Variants in RHBDD1 observed in about 807,000 individuals in gnomAD.
RHBDD1 encodes rhomboid-related protein 4.
Under a neutral mutation model 36.3 loss-of-function variants are expected in RHBDD1, and 38 were observed. The ratio of observed to expected loss-of-function variants is 1.05; its 90% CI spans 0.81 to 1.37. The LOEUF (loss-of-function observed/expected upper bound fraction) is 1.37, where lower values mean the gene tolerates loss of function less well. Among genes scored for constraint, RHBDD1 ranks in the 40% most tolerant of loss-of-function variants. The probability of loss-of-function intolerance (pLI) is 0.00; values close to 1 mark genes in which losing one functional copy is unlikely to be tolerated. For synonymous variants in RHBDD1, 151 were observed against 136.5 expected (o/e 1.11, Z -0.74); for missense variants, 393 against 377.6 (o/e 1.04, Z -0.34).
At chr2:226,907,850 T>G (rs771511414) in intron 6 of RHBDD1, among the ~76,000 whole-genome samples, 9 of 152,228 alleles carry the variant, frequency 5.9e-5, no homozygotes, top group Non-Finnish European at 1.0e-4. Context: ...CTTCATTTAT[T>G]GAAAATGTCC....
intron 8 of RHBDD1, among the ~76,000 whole-genome samples, chr2:226,972,478 A>C (rs1357691024): frequency 6.6e-6 from 1 of 152,180 alleles, no homozygotes; most frequent in South Asian, 2.1e-4. Flanking sequence ...TGCCCATATG[A>C]GTGGGCCTGG....
chr2:226,901,280 C>T (rs967237823), intron 5 of RHBDD1, among the ~76,000 whole-genome samples: 5 of 152,006 alleles, frequency 3.3e-5, no homozygotes, highest in Non-Finnish European at 7.4e-5. Context: ...TTTTCTTTAT[C>T]GGTTGATGTA....
intron 5 of RHBDD1, among the ~76,000 whole-genome samples, chr2:226,906,436 G>A (rs1948059166): frequency 6.6e-6 from 1 of 152,092 alleles, no homozygotes; most frequent in African/African-American, 2.4e-5. Context: ...ATGCCAAACA[G>A]AGAAAACTGA....
the RHBDD1 span, among the ~76,000 whole-genome samples, chr2:226,829,089 C>A: frequency 6.6e-6 from 1 of 152,094 alleles, no homozygotes; most frequent in Non-Finnish European, 1.5e-5. Context: ...GGCCCAAGTT[C>A]ATAGTTTTTT....
At chr2:226,934,490 C>G (rs1950218252) in intron 8 of RHBDD1, among the ~76,000 whole-genome samples, 1 of 152,086 alleles carries the variant, frequency 6.6e-6, no homozygotes. Flanking sequence ...TAGCTAGCAA[C>G]TTTTAACCTC....
At chr2:226,921,763 A>G (rs974624852) in intron 8 of RHBDD1, among the ~76,000 whole-genome samples, 6 of 152,098 alleles carry the variant, frequency 3.9e-5, no homozygotes, top group Non-Finnish European at 5.9e-5. Context: ...CATATAGTCT[A>G]TCCTTGAGAA....
At chr2:226,866,148 G>A (rs1944311200) in intron 4 of RHBDD1, among the ~76,000 whole-genome samples, 1 of 152,098 alleles carries the variant, frequency 6.6e-6, no homozygotes, top group South Asian at 2.1e-4. Context: ...TCGGCTCACT[G>A]CAACCTCCGC....
chr2:226,826,014 G>A, the RHBDD1 span, among the ~76,000 whole-genome samples: 2 of 152,126 alleles, frequency 1.3e-5, no homozygotes, highest in East Asian at 1.9e-4. Flanking sequence ...TTACACTGCT[G>A]GTTAACAGTG....
At chr2:226,854,070 A>G (rs1943088223) in intron 3 of RHBDD1, among the ~76,000 whole-genome samples, 1 of 152,158 alleles carries the variant, frequency 6.6e-6, no homozygotes, top group African/African-American at 2.4e-5. Flanking sequence ...TATTATTGGG[A>G]GGTATGTAAA....
At chr2:226,800,257 A>T in the RHBDD1 span, 1 of 152,274 alleles carries the variant, frequency 6.6e-6, no homozygotes, top group African/African-American at 2.4e-5. Flanking sequence ...GTTTCTAGTC[A>T]AGGCTGTTTC....
chr2:226,829,747 G>T, the RHBDD1 span, among the ~76,000 whole-genome samples: 1 of 151,706 alleles, frequency 6.6e-6, no homozygotes, highest in East Asian at 1.9e-4. Context: ...ATCTGTGTGC[G>T]TGTGTATGTA....
intron 3 of RHBDD1, among the ~76,000 whole-genome samples, chr2:226,848,010 A>T (rs1408538072): frequency 6.6e-6 from 1 of 152,218 alleles, no homozygotes; most frequent in Non-Finnish European, 1.5e-5. Flanking sequence ...TGGAGAAGGT[A>T]TGGGTGCTTT....
intron 5 of RHBDD1, among the ~76,000 whole-genome samples, chr2:226,892,958 C>G (rs915700942): frequency 6.6e-6 from 1 of 152,148 alleles, no homozygotes; most frequent in African/African-American, 2.4e-5. Flanking sequence ...TAAAGTGCAG[C>G]CAGGATTGAG....
chr2:226,860,575 A>G (rs1943762487), intron 3 of RHBDD1, among the ~76,000 whole-genome samples: 1 of 152,208 alleles, frequency 6.6e-6, no homozygotes, highest in Non-Finnish European at 1.5e-5. Context: ...TTTGATCTTT[A>G]CATGGATCAG....
At chr2:226,908,199 C>T (rs1459922037) in intron 6 of RHBDD1, 4 of 152,136 alleles carry the variant, frequency 2.6e-5, no homozygotes, top group Non-Finnish European at 5.9e-5. Flanking sequence ...CCTGCGAACT[C>T]GGCCTTTTTT....
chr2:226,933,857 C>G (rs1214514229), intron 8 of RHBDD1, among the ~76,000 whole-genome samples: 2 of 152,114 alleles, frequency 1.3e-5, no homozygotes, highest in Non-Finnish European at 1.5e-5. Context: ...TTCTTGCATA[C>G]TATTTATCAA....
rs748572005 is a variant in RHBDD1, at chr2:226,906,865, C to G, written c.639C>G (p.Ile213Met). ...LMYTQGPLKK[I>M]MEACAGGFSS... ...ACACTCAAGGGCCTCTGAAGAAAATCATGGAAGCATGTGCAGGTACAGAAT... is the reference window on the plus strand; with the variant it reads ...ACACTCAAGGGCCTCTGAAGAAAATGATGGAAGCATGTGCAGGTACAGAAT... The change falls in exon 6 of 9, where the codon ATC (isoleucine) becomes ATG (methionine). Residue 213 changes from isoleucine to methionine, a missense_variant. Ile to Met is a conservative substitution (Grantham distance 10). Transcript: ENST00000392062. 9.9e-6 allele frequency: 16 copies of G among 1,614,030 alleles called. No homozygotes were observed. The highest frequency in any genetic ancestry group is 8.3e-5 in the Admixed American group (5 of 60,010).
rs756188934 is a variant in RHBDD1 at position 226,914,369 on chromosome 2, T to C, written c.856+18T>C. On this transcript the variant is annotated intron_variant, in intron 8 of 8. Transcript: ENST00000392062. ...GGACCGAGGTAGGAGTCTTGCGCCCTTCAGTTATTTTAAAGCATACCTCAT... is the reference window on the plus strand; with the variant it reads ...GGACCGAGGTAGGAGTCTTGCGCCCCTCAGTTATTTTAAAGCATACCTCAT... The C allele has an allele frequency of 3.1e-5, 50 of 1,603,864 alleles. No individual in the cohort carries two copies. The South Asian group carries it at 3.5e-4, about 11-fold the overall frequency.
intron 8 of RHBDD1, among the ~76,000 whole-genome samples, chr2:226,984,200 C>T (rs1032576872): frequency 2.6e-5 from 4 of 152,284 alleles, no homozygotes; most frequent in Admixed American, 6.5e-5. Context: ...AGTTGCCAAG[C>T]TGCCAACTTC....
Sources: allele counts gnomAD v4.1 joint callset (sites outside exome capture counted in the v4.1 genomes callset), GRCh38; gene constraint gnomAD v4.1.1; transcripts MANE v1.5; gene names NCBI Gene and HGNC (gene_info 2026-07-23, HGNC 2026-07-21).